FRMD5: variants seen among roughly 807,000 people sequenced by gnomAD.
FRMD5 encodes the protein FERM domain-containing protein 5.
A neutral mutation model predicts 69.0 loss-of-function variants in FRMD5; 20 were observed. The observed-to-expected ratio is 0.29, with a 90% confidence interval of 0.20 to 0.42. The LOEUF (loss-of-function observed/expected upper bound fraction) is 0.42, where lower values mean the gene tolerates loss of function less well. Ranked by LOEUF, FRMD5 falls within the 10% of genes least tolerant of loss-of-function variation. The pLI, the probability that FRMD5 is intolerant of heterozygous loss-of-function variation, is 1.00. For missense variants in FRMD5, 595 were observed against 708.6 expected (o/e 0.84, Z 1.82); for synonymous variants, 271 against 260.1 (o/e 1.04, Z -0.40).
intron 5 of FRMD5, 45 bp downstream of exon 5, chr15:43,909,837 A>T (rs146067961): frequency 2.7e-6 from 3 of 1,115,784 alleles, no homozygotes; most frequent in Non-Finnish European, 4.1e-6. Context: ...TAATGTAATC[A>T]GTACTTGGCA....
intron 6 of FRMD5, among the ~76,000 whole-genome samples, chr15:43,903,144 C>A (rs1204826761): frequency 1.3e-5 from 2 of 152,250 alleles, no homozygotes; most frequent in African/African-American, 2.4e-5. Context: ...ATTGCAGACC[C>A]AGTGGCAGAA....
chr15:44,029,795 T>C (rs997183123), intron 1 of FRMD5, among the ~76,000 whole-genome samples: 9 of 152,270 alleles, frequency 5.9e-5, no homozygotes, highest in African/African-American at 2.2e-4. Context: ...AGGTCTGGGG[T>C]GGAGCATACG....
chr15:43,919,402 C>T (rs2089452964), intron 4 of FRMD5, 57 bp downstream of exon 4: 4 of 1,472,950 alleles, frequency 2.7e-6, no homozygotes, highest in Non-Finnish European at 3.8e-6. Flanking sequence ...GTCACCATCC[C>T]CCTTTCCTAT....
chr15:44,077,873 T>G (rs1007946125), intron 1 of FRMD5, among the ~76,000 whole-genome samples: 10 of 152,158 alleles, frequency 6.6e-5, no homozygotes, highest in African/African-American at 2.2e-4. Flanking sequence ...GAAGGACTTA[T>G]CTAAAAGCTC....
At position 44,192,189 on chromosome 15, in the gene FRMD5, T is replaced by G. The variant is rs1278098794; in HGVS notation, c.102+2764A>C. Reference sequence around the variant, plus strand: ...TTCATTGAAAAGATATAAGGCATTTTCATTACCTTAATAATTACATCCTAA... The same window carrying G: ...TTCATTGAAAAGATATAAGGCATTTGCATTACCTTAATAATTACATCCTAA... On this transcript the variant is annotated intron_variant, in intron 1 of 13. Coordinates refer to ENST00000417257, the MANE Select transcript of FRMD5 (RefSeq NM_032892.5). Among the ~76,000 whole-genome samples, 5 of 152,076 alleles carry G rather than the reference T, an allele frequency of 3.3e-5. No homozygotes were observed. The East Asian group carries it at 9.6e-4, about 29-fold the overall frequency.
At chr15:44,147,387 T>C (rs1475023028) in intron 1 of FRMD5, among the ~76,000 whole-genome samples, 2 of 152,184 alleles carry the variant, frequency 1.3e-5, no homozygotes, top group Admixed American at 1.3e-4. Context: ...CCTTGCAGTA[T>C]AGTTTCAAGT....
chr15:44,155,887 G>A (rs1224782359), intron 1 of FRMD5, among the ~76,000 whole-genome samples: 4 of 151,974 alleles, frequency 2.6e-5, no homozygotes, highest in South Asian at 2.1e-4. Flanking sequence ...GAGCCAACAC[G>A]CCTGGCTCCT....
chr15:43,990,172 TATC>T (rs1889604984), intron 1 of FRMD5: 2 of 548,732 alleles, frequency 3.6e-6, no homozygotes, highest in South Asian at 1.7e-5. Context: ...AGCATGGTGA[TATC>T]ATCATCCATG....
intron 1 of FRMD5, among the ~76,000 whole-genome samples, chr15:44,193,028 A>G (rs2078221482): frequency 6.6e-6 from 1 of 152,222 alleles, no homozygotes; most frequent in Non-Finnish European, 1.5e-5. Flanking sequence ...TTAACTCAAA[A>G]ATATTTTTTT....
At chr15:43,936,486 C>T (rs926918676) in intron 1 of FRMD5, among the ~76,000 whole-genome samples, 14 of 152,148 alleles carry the variant, frequency 9.2e-5, no homozygotes, top group African/African-American at 2.9e-4. Flanking sequence ...CCACCACGCC[C>T]GGCCAAGAAG....
chr15:44,179,297 C>G (rs1473590830), intron 1 of FRMD5, among the ~76,000 whole-genome samples: 2 of 152,158 alleles, frequency 1.3e-5, no homozygotes, highest in Admixed American at 6.6e-5. Context: ...CCCTCAAACC[C>G]ACTTGATTCC....
At chr15:44,194,866 C>T in intron 1 of FRMD5, 87 bp downstream of exon 1, 2 of 1,142,664 alleles carry the variant, frequency 1.8e-6, no homozygotes, top group Non-Finnish European at 2.5e-6. Context: ...TGGGGCGACC[C>T]CTGGGCGGCG....
chr15:43,879,671 G>C (rs1400564579), intron 13 of FRMD5: 3 of 398,970 alleles, frequency 7.5e-6, no homozygotes, highest in African/African-American at 6.2e-5. Flanking sequence ...TCTTCCCCAT[G>C]GTGGCCCAGG....
chr15:43,875,809 T>TTTTTTTTTG (rs2088332513), intron 13 of FRMD5: 2 of 361,384 alleles, frequency 5.5e-6, no homozygotes, highest in Non-Finnish European at 1.0e-5. Flanking sequence ...GCCTAGTTTT[T>TTTTTTTTTG]TTTTTTTTTT....
At position 44,089,209 on chromosome 15, in the gene FRMD5, C is replaced by T. The variant is rs112865209; in HGVS notation, c.102+105744G>A. Among the ~76,000 whole-genome samples, 1,184 of 152,266 alleles carry T rather than the reference C, an allele frequency of 7.8e-3. 23 individuals carry two copies. The highest frequency in any genetic ancestry group is 0.027 in the African/African-American group (1,131 of 41,546). ...CATTTGTTTGCCCTCCCTTTTCCCACTCTACAGCATGAATGTACTTTATAA... is the reference window on the plus strand; with the variant it reads ...CATTTGTTTGCCCTCCCTTTTCCCATTCTACAGCATGAATGTACTTTATAA... On this transcript the variant is annotated intron_variant, in intron 1 of 13. Transcript: ENST00000417257.
chr15:43,897,692 C>T (rs2088947471), intron 7 of FRMD5, among the ~76,000 whole-genome samples: 1 of 151,984 alleles, frequency 6.6e-6, no homozygotes, highest in African/African-American at 2.4e-5. Flanking sequence ...CTATACAAAG[C>T]AGACATAAAG....
intron 1 of FRMD5, among the ~76,000 whole-genome samples, chr15:44,028,140 T>C (rs1404552492): frequency 6.6e-6 from 1 of 152,138 alleles, no homozygotes; most frequent in Non-Finnish European, 1.5e-5. Flanking sequence ...ATCTATGACA[T>C]GCAGGAAAAC....
chr15:43,967,931 C>T (rs930646097), intron 1 of FRMD5, among the ~76,000 whole-genome samples: 10 of 151,558 alleles, frequency 6.6e-5, no homozygotes, highest in East Asian at 3.9e-4. Flanking sequence ...CCCAACCCCT[C>T]GACAGGCCCT....
At chr15:44,093,957 G>C (rs1185773033) in intron 1 of FRMD5, among the ~76,000 whole-genome samples, 1 of 152,022 alleles carries the variant, frequency 6.6e-6, no homozygotes, top group African/African-American at 2.4e-5. Flanking sequence ...CATAATACTT[G>C]CATTTTTGGG....
Sources: allele counts gnomAD v4.1 joint callset (sites outside exome capture counted in the v4.1 genomes callset), GRCh38; gene constraint gnomAD v4.1.1; transcripts MANE v1.5; gene names NCBI Gene and HGNC (gene_info 2026-07-23, HGNC 2026-07-21).